The following YTHDC1 variants were observed in gnomAD, a reference collection of about 807,000 sequenced individuals.
The protein encoded by YTHDC1 is YTH domain-containing protein 1.
YTHDC1 carries 12 observed loss-of-function variants against 107.0 expected under a neutral mutation model. That is an observed-to-expected ratio of 0.11 (90% CI 0.07 to 0.18). The LOEUF is 0.18. YTHDC1 is among the 10% of genes least tolerant of loss of function. The probability of loss-of-function intolerance (pLI) is 1.00; values close to 1 mark genes in which losing one functional copy is unlikely to be tolerated. For missense variants in YTHDC1, 635 were observed against 898.8 expected (o/e 0.71, Z 3.75); for synonymous variants, 280 against 289.5 (o/e 0.97, Z 0.33).
At chr4:68,335,919 T>C (rs888876798) in intron 4 of YTHDC1, among the ~76,000 whole-genome samples, 5 of 150,836 alleles carry the variant, frequency 3.3e-5, no homozygotes, top group Non-Finnish European at 5.9e-5. Context: ...AGCACTTCAG[T>C]TGCCAATCAC....
Position 68,333,373 on chromosome 4 carries a change from C to G in YTHDC1, c.908G>C (p.Arg303Thr). 1 of 1,611,022 alleles carries G rather than the reference C, an allele frequency of 6.2e-7. No individual in the cohort carries two copies. Among genetic ancestry groups the G allele is most frequent in the Non-Finnish European group, 8.5e-7 (1 of 1,178,718 alleles). The stretch of plus-strand genomic sequence containing the variant: ...AACAATTGGAGATATGCCTCTAGCT[C>G]TCTTCCTTTCCTTCTTTTTCTCATC... ...GSDEKKKERK[R>T]ARGISPIVFD... Residue 303 changes from arginine (R) to threonine (T), a missense_variant, in exon 5 of 17, where the codon AGA (arginine) becomes ACA (threonine). Coordinates refer to ENST00000344157, the MANE Select transcript of YTHDC1 (RefSeq NM_001031732.4).
rs1352522872 is a variant in YTHDC1 at position 68,335,978 on chromosome 4, T to TGG, written c.883+1048_883+1049insCC. Reference sequence around the variant, plus strand: ...CTACCTATACTGTATGTAGTATAGATATATACTATCCATATAGTATAAATA... The same window carrying TGG: ...CTACCTATACTGTATGTAGTATAGATGGATATACTATCCATATAGTATAAATA... On this transcript the variant is annotated intron_variant, in intron 4 of 16. Coordinates refer to ENST00000344157, the MANE Select transcript of YTHDC1 (RefSeq NM_001031732.4). Among the ~76,000 whole-genome samples, 283 of 149,160 alleles carry TGG rather than the reference T, an allele frequency of 1.9e-3. 1 individual carries two copies. Among genetic ancestry groups the TGG allele is most frequent in the African/African-American group, 6.7e-3 (276 of 40,992 alleles).
chr4:68,332,926 A>G (rs1444588766), intron 5 of YTHDC1, 79 bp from the exon 6 acceptor site: 1 of 1,257,172 alleles, frequency 8.0e-7, no homozygotes, highest in Non-Finnish European at 1.1e-6. Flanking sequence ...TTGTCACATA[A>G]AATTCTCATT....
Position 68,318,882 on chromosome 4 carries a change from T to C in YTHDC1, c.1685-20A>G. On this transcript the variant is annotated intron_variant, in intron 12 of 16. Transcript: ENST00000344157. ...AATACCCTGTTCAAACATCAAGCAT[T>C]TTAGTAAATCAAATTTATATTTTTC... 6.2e-7 allele frequency: 1 copy of C among 1,613,434 alleles called. No individual in the cohort carries two copies. The highest frequency in any genetic ancestry group is 1.3e-5 in the African/African-American group (1 of 75,038).
chr4:68,320,070 A>T (rs1435087896), intron 12 of YTHDC1, 53 bp downstream of exon 12: 3 of 1,486,750 alleles, frequency 2.0e-6, no homozygotes, highest in Non-Finnish European at 2.7e-6. Flanking sequence ...TAATTTTTTA[A>T]TTTTTTTCCA....
chr4:68,318,466 T>C, intron 15 of YTHDC1, 53 bp downstream of exon 15: 1 of 1,500,032 alleles, frequency 6.7e-7, no homozygotes, highest in Non-Finnish European at 9.1e-7. Context: ...GCACCTGAAA[T>C]ACTAGAACTG....
chr4:68,338,561 A>G (rs542216620), intron 1 of YTHDC1, 177 bp from the exon 2 acceptor site: 4 of 540,650 alleles, frequency 7.4e-6, no homozygotes, highest in South Asian at 2.7e-5. Context: ...AATACAGGGT[A>G]AAGAATTGGC....
At chr4:68,339,374 G>C (rs1161977770) in intron 1 of YTHDC1, among the ~76,000 whole-genome samples, 4 of 152,180 alleles carry the variant, frequency 2.6e-5, no homozygotes, top group Non-Finnish European at 4.4e-5. Context: ...AGCAGACCTA[G>C]AGAGGCATGA....
At chr4:68,339,128 T>C (rs1185511363) in intron 1 of YTHDC1, among the ~76,000 whole-genome samples, 1 of 152,212 alleles carries the variant, frequency 6.6e-6, no homozygotes, top group Admixed American at 6.5e-5. Context: ...AGTGGAGAAA[T>C]GTTTCACAGG....
chr4:68,333,463 A>G, intron 4 of YTHDC1, 66 bp from the exon 5 acceptor site: 1 of 1,172,534 alleles, frequency 8.5e-7, no homozygotes, highest in Non-Finnish European at 1.2e-6. Context: ...ATCAAACAAG[A>G]ATGTATCATT....
intron 1 of YTHDC1, among the ~76,000 whole-genome samples, chr4:68,346,663 G>T (rs189771866): frequency 6.6e-6 from 1 of 152,072 alleles, no homozygotes; most frequent in South Asian, 2.1e-4. Flanking sequence ...TAACTGTCTC[G>T]GGTAGTAGAT....
chr4:68,321,029 T>TA (rs1722394706), intron 11 of YTHDC1, among the ~76,000 whole-genome samples: 1 of 152,174 alleles, frequency 6.6e-6, no homozygotes, highest in Non-Finnish European at 1.5e-5. Flanking sequence ...GGCTGTTCTT[T>TA]ACTGTCTTCC....
At position 68,349,803 on chromosome 4, in the gene YTHDC1, G is replaced by C; in HGVS notation, c.-50C>G. 1 of 1,610,684 alleles carries C rather than the reference G, an allele frequency of 6.2e-7. No individual in the cohort carries two copies. The highest frequency in any genetic ancestry group is 8.5e-7 in the Non-Finnish European group (1 of 1,178,496). On this transcript the variant is annotated 5_prime_UTR_variant, in exon 1 of 17. Transcript: ENST00000344157. Reference sequence around the variant, plus strand: ...GCCACCGCCGCCGCCGCTTAGACGCGACTCGCGCGGGCGCCGCAGCCGCGG... The same window carrying C: ...GCCACCGCCGCCGCCGCTTAGACGCCACTCGCGCGGGCGCCGCAGCCGCGG...
Position 68,318,579 on chromosome 4 carries a change from G to A in YTHDC1, c.1764C>T (p.Ser588=). The A allele has an allele frequency of 6.2e-7, 1 of 1,611,962 alleles. No individual in the cohort carries two copies. The highest frequency in any genetic ancestry group is 8.5e-7 in the Non-Finnish European group (1 of 1,179,160). ...GVRRDVFLNG[S]YNDYVREFHN... is the part of the protein sequence containing the mutation. ...GAAATTCCCTCACATAATCATTGTA[G>A]GACTAAAATAAAAGATGATAATGTC... Residue 588 remains serine (S), a splice_region_variant and synonymous_variant, in exon 15 of 17, where the codon TCC becomes TCT. Transcript: ENST00000344157.
chr4:68,323,058 A>G (rs555571281), intron 10 of YTHDC1, 143 bp from the exon 11 acceptor site: 8 of 704,232 alleles, frequency 1.1e-5, no homozygotes, highest in African/African-American at 1.8e-5. Context: ...TAAGACTTCC[A>G]GATTTATAAA....
chr4:68,327,023 G>A (rs1477802815), intron 9 of YTHDC1, among the ~76,000 whole-genome samples: 1 of 150,746 alleles, frequency 6.6e-6, no homozygotes, highest in Non-Finnish European at 1.5e-5. Context: ...GATCACCTGA[G>A]GTCGGGAGTT....
In YTHDC1 at chr4:68,316,465, A is replaced by C; in HGVS notation, c.1825-17T>G. The C allele has an allele frequency of 6.2e-7, 1 of 1,609,678 alleles. No homozygotes were observed. Among genetic ancestry groups the C allele is most frequent in the Non-Finnish European group, 8.5e-7 (1 of 1,178,040 alleles). ...GTAAGGGGGCTAAAAAAGGAAAACC[A>C]TTTACATTAAGAATCTACCAACACC... On this transcript the variant is annotated splice_polypyrimidine_tract_variant and intron_variant, in intron 15 of 16. Transcript: ENST00000344157.
chr4:68,320,345 TA>T (rs1178372676), intron 11 of YTHDC1, 140 bp from the exon 12 acceptor site: 14 of 563,920 alleles, frequency 2.5e-5, no homozygotes, highest in Non-Finnish European at 4.2e-5. Flanking sequence ...CAAATTATTT[TA>T]AAATTCCTAC....
intron 1 of YTHDC1, among the ~76,000 whole-genome samples, chr4:68,342,831 C>G (rs1724994650): frequency 6.6e-6 from 1 of 152,112 alleles, no homozygotes; most frequent in African/African-American, 2.4e-5. Flanking sequence ...ACTGGCATAT[C>G]CTTTTTGAAA....
Sources: gnomAD v4.1 joint callset for allele counts (sites outside exome capture counted in the v4.1 genomes callset) on GRCh38, gnomAD v4.1.1 for gene constraint, MANE v1.5 for transcripts, NCBI Gene and HGNC (gene_info 2026-07-23, HGNC 2026-07-21) for gene names.